The following SLX4IP variants were observed in gnomAD, a reference collection of about 807,000 sequenced individuals.
SLX4IP encodes the protein protein SLX4IP.
SLX4IP carries 34 observed loss-of-function variants against 32.9 expected under a neutral mutation model. The ratio of observed to expected loss-of-function variants is 1.03; its 90% CI spans 0.79 to 1.38. The LOEUF is 1.38. SLX4IP is among the 40% of genes most tolerant of loss of function. SLX4IP has a pLI of 0.00. For missense variants in SLX4IP, 444 were observed against 479.0 expected (o/e 0.93, Z 0.68); for synonymous variants, 172 against 171.7 (o/e 1.00, Z -0.01).
Position 10,617,507 on chromosome 20 carries a change from A to C in SLX4IP, c.406-3807A>C, listed in dbSNP as rs577816172. Among the ~76,000 whole-genome samples the C allele has an allele frequency of 2.6e-5, 4 of 152,190 alleles. No individual in the cohort carries two copies. In the South Asian group the frequency reaches 8.3e-4, roughly 32 times the overall value. On this transcript the variant is annotated intron_variant, in intron 6 of 7. Coordinates refer to ENST00000334534, the MANE Select transcript of SLX4IP (RefSeq NM_001009608.3). ...TTCTCTCCCTATCTCCCATTAATCC[A>C]ACAGTGTTCTGTTCAAAACCAGTTT...
At chr20:10,478,018 C>T (rs957645177) in intron 2 of SLX4IP, among the ~76,000 whole-genome samples, 1 of 151,760 alleles carries the variant, frequency 6.6e-6, no homozygotes, top group Non-Finnish European at 1.5e-5. Context: ...CCTGCCTCAG[C>T]CTCCAGAGTA....
At chr20:10,562,078 C>A (rs1373909887) in intron 4 of SLX4IP, among the ~76,000 whole-genome samples, 1 of 152,196 alleles carries the variant, frequency 6.6e-6, no homozygotes, top group East Asian at 1.9e-4. Flanking sequence ...TGAGTGTTTA[C>A]AGATCCTCAA....
At chr20:10,488,808 A>G (rs1284090295) in intron 2 of SLX4IP, among the ~76,000 whole-genome samples, 2 of 152,116 alleles carry the variant, frequency 1.3e-5, no homozygotes, top group East Asian at 1.9e-4. Flanking sequence ...TTCAAGAGTC[A>G]TTGGTGATAG....
intron 1 of SLX4IP, among the ~76,000 whole-genome samples, chr20:10,453,583 T>G (rs952097441): frequency 6.6e-6 from 1 of 152,164 alleles, no homozygotes; most frequent in Non-Finnish European, 1.5e-5. Context: ...CATAAGAATT[T>G]TTTTTCTTCC....
At chr20:10,481,777 C>T (rs2065523811) in intron 2 of SLX4IP, among the ~76,000 whole-genome samples, 2 of 152,172 alleles carry the variant, frequency 1.3e-5, no homozygotes, top group African/African-American at 4.8e-5. Flanking sequence ...TGCTCAGGGT[C>T]TCTCACAAGC....
At chr20:10,563,555 T>G (rs2066355649) in intron 4 of SLX4IP, among the ~76,000 whole-genome samples, 1 of 152,228 alleles carries the variant, frequency 6.6e-6, no homozygotes, top group African/African-American at 2.4e-5. Context: ...AATTCAAGTC[T>G]TTAATTCATT....
chr20:10,617,860 C>T (rs746757596), intron 6 of SLX4IP, among the ~76,000 whole-genome samples: 4 of 151,812 alleles, frequency 2.6e-5, no homozygotes, highest in South Asian at 2.1e-4. Flanking sequence ...AGGCTGGTCT[C>T]GAACTCCTGA....
chr20:10,540,335 GT>G (rs2066093742), intron 2 of SLX4IP, among the ~76,000 whole-genome samples: 1 of 152,084 alleles, frequency 6.6e-6, no homozygotes, highest in South Asian at 2.1e-4. Context: ...CAGGCAATGG[GT>G]AGTGGTGTTT....
chr20:10,523,313 G>C (rs1399042381), intron 2 of SLX4IP, among the ~76,000 whole-genome samples: 1 of 152,128 alleles, frequency 6.6e-6, no homozygotes, highest in Admixed American at 6.5e-5. Context: ...ATGATAAAAG[G>C]ACACATAAGC....
chr20:10,555,727 C>G (rs1435710928), intron 2 of SLX4IP, among the ~76,000 whole-genome samples: 1 of 152,146 alleles, frequency 6.6e-6, no homozygotes, highest in Non-Finnish European at 1.5e-5. Flanking sequence ...TATCTTCTTG[C>G]TTATTTCTCA....
intron 4 of SLX4IP, among the ~76,000 whole-genome samples, chr20:10,598,319 C>T (rs776226424): frequency 6.6e-6 from 1 of 152,088 alleles, no homozygotes; most frequent in East Asian, 1.9e-4. Flanking sequence ...CTCAGGCTGG[C>T]GTGCAGTGAT....
At chr20:10,524,781 C>T (rs6133960) in intron 2 of SLX4IP, among the ~76,000 whole-genome samples, 1 of 152,132 alleles carries the variant, frequency 6.6e-6, no homozygotes, top group Admixed American at 6.6e-5. Context: ...TGACAGGTCT[C>T]GAAAATGAGG....
rs1239533562 is a variant in SLX4IP, at chr20:10,623,313, T to C, written c.1161T>C (p.Thr387=). 2.5e-6 allele frequency: 4 copies of C among 1,613,918 alleles called. No individual in the cohort carries two copies. In the East Asian group the frequency reaches 8.9e-5, roughly 36 times the overall value. The part of the protein sequence containing the change: ...QAQQTGLATN[T]ERLSTIQNSP... ...AGCAAACCGGCTTAGCCACAAACAC[T>C]GAAAGATTATCTACAATTCAGAACA... Residue 387 remains threonine (T), a synonymous_variant, in exon 8 of 8, where the codon ACT becomes ACC. Coordinates refer to ENST00000334534, the MANE Select transcript of SLX4IP (RefSeq NM_001009608.3).
Position 10,518,484 on chromosome 20 carries a change from T to TCC in SLX4IP, c.28-37747_28-37746insCC, listed in dbSNP as rs2065875311. On this transcript the variant is annotated intron_variant, in intron 2 of 7. Coordinates refer to ENST00000334534, the MANE Select transcript of SLX4IP (RefSeq NM_001009608.3). ...CTTCCTTTCCTTTCTTTTCCTTTCC[T>TCC]TTCCTTTTCCTTCCTTCCTTCCTTC... Among the ~76,000 whole-genome samples the TCC allele has an allele frequency of 1.8e-4, 11 of 61,702 alleles. 1 individual carries two copies. The highest frequency in any genetic ancestry group is 3.8e-4 in the Non-Finnish European group (9 of 23,870). The allele number at this position is 61,702 out of a possible 152,430, so 40.5% of individuals were successfully genotyped here.
chr20:10,464,399 G>A (rs1882972320), intron 2 of SLX4IP, among the ~76,000 whole-genome samples: 1 of 152,042 alleles, frequency 6.6e-6, no homozygotes, highest in Admixed American at 6.6e-5. Context: ...ATAAAATGTA[G>A]GCTGCGTACA....
intron 2 of SLX4IP, among the ~76,000 whole-genome samples, chr20:10,499,558 T>G (rs2065698632): frequency 6.6e-6 from 1 of 152,200 alleles, no homozygotes; most frequent in Non-Finnish European, 1.5e-5. Context: ...TCAATGTGCT[T>G]CATCTTCCCA....
intron 2 of SLX4IP, among the ~76,000 whole-genome samples, chr20:10,471,261 A>C (rs1840071461): frequency 6.6e-6 from 1 of 152,218 alleles, no homozygotes; most frequent in African/African-American, 2.4e-5. Context: ...GGGCTCAATT[A>C]GCAAATCTTT....
intron 2 of SLX4IP, among the ~76,000 whole-genome samples, chr20:10,492,410 T>G (rs1452993498): frequency 6.6e-6 from 1 of 152,242 alleles, no homozygotes; most frequent in Non-Finnish European, 1.5e-5. Context: ...GCTAGAATTT[T>G]TACTTTTTCC....
chr20:10,571,169 C>G (rs2066461119), intron 4 of SLX4IP, among the ~76,000 whole-genome samples: 1 of 152,078 alleles, frequency 6.6e-6, no homozygotes, highest in African/African-American at 2.4e-5. Flanking sequence ...ATAAAAGTGA[C>G]CTTGTGGAGT....
Sources: gnomAD v4.1 joint callset for allele counts (sites outside exome capture counted in the v4.1 genomes callset) on GRCh38, gnomAD v4.1.1 for gene constraint, MANE v1.5 for transcripts, NCBI Gene and HGNC (gene_info 2026-07-23, HGNC 2026-07-21) for gene names.